The following SLC23A2 variants were observed in gnomAD, a reference collection of about 807,000 sequenced individuals.
SLC23A2 encodes solute carrier family 23 member 2.
SLC23A2 carries 36 observed loss-of-function variants against 73.3 expected under a neutral mutation model. The ratio of observed to expected loss-of-function variants is 0.49; its 90% CI spans 0.38 to 0.65. The LOEUF (loss-of-function observed/expected upper bound fraction) is 0.65. SLC23A2 is among the 30% of genes least tolerant of loss of function. The pLI is 0.00. For synonymous variants in SLC23A2, 343 were observed against 327.3 expected (o/e 1.05, Z -0.52); for missense variants, 507 against 841.6 (o/e 0.60, Z 4.92).
At chr20:4,923,342 T>A (rs934921573) in intron 3 of SLC23A2, among the ~76,000 whole-genome samples, 2 of 152,152 alleles carry the variant, frequency 1.3e-5, no homozygotes, top group African/African-American at 2.4e-5. Context: ...CCCATCGTTT[T>A]GATGTTTTCA....
chr20:4,917,025 G>T (rs1449254228), intron 3 of SLC23A2, among the ~76,000 whole-genome samples: 1 of 152,166 alleles, frequency 6.6e-6, no homozygotes, highest in Non-Finnish European at 1.5e-5. Context: ...TAGAAAAAAA[G>T]CTCACATATT....
chr20:4,892,312 C>T (rs1330190833), intron 6 of SLC23A2, among the ~76,000 whole-genome samples: 2 of 152,076 alleles, frequency 1.3e-5, no homozygotes, highest in African/African-American at 2.4e-5. Context: ...CTCAGCCTCC[C>T]GAGTACCTGG....
At chr20:4,971,859 C>T (rs965864537) in intron 1 of SLC23A2, among the ~76,000 whole-genome samples, 1 of 152,004 alleles carries the variant, frequency 6.6e-6, no homozygotes, top group Non-Finnish European at 1.5e-5. Context: ...CTCCATATTC[C>T]CTAGCACAGG....
chr20:4,975,756 C>A (rs2087635091), intron 1 of SLC23A2, among the ~76,000 whole-genome samples: 1 of 151,518 alleles, frequency 6.6e-6, no homozygotes, highest in Non-Finnish European at 1.5e-5. Flanking sequence ...TTTCTTTGAT[C>A]CATGTGTCTA....
intron 2 of SLC23A2, 141 bp from the exon 3 acceptor site, chr20:4,932,857 T>A: frequency 3.9e-6 from 1 of 255,744 alleles, no homozygotes; most frequent in Non-Finnish European, 7.4e-6. Flanking sequence ...CTAATTACAG[T>A]TTTCAGGCAC....
At chr20:4,991,080 G>A (rs921601009) in intron 1 of SLC23A2, among the ~76,000 whole-genome samples, 17 of 151,894 alleles carry the variant, frequency 1.1e-4, no homozygotes, top group African/African-American at 3.9e-4. Flanking sequence ...GGAGGTGTGA[G>A]GGGAGATAAT....
At chr20:4,934,677 C>G (rs547065206) in intron 2 of SLC23A2, among the ~76,000 whole-genome samples, 1 of 151,802 alleles carries the variant, frequency 6.6e-6, no homozygotes, top group East Asian at 1.9e-4. Flanking sequence ...GCCTGGCCAG[C>G]ACGGTGAAAC....
chr20:4,912,835 G>T (rs752525639), intron 4 of SLC23A2, 45 bp downstream of exon 4: 18 of 1,211,322 alleles, frequency 1.5e-5, no homozygotes, highest in Non-Finnish European at 2.1e-5. Flanking sequence ...ACTTGTGGGA[G>T]GGGATGGCGG....
At chr20:4,979,755 TG>T (rs1165474606) in intron 1 of SLC23A2, among the ~76,000 whole-genome samples, 3 of 152,082 alleles carry the variant, frequency 2.0e-5, no homozygotes, top group African/African-American at 7.2e-5. Context: ...TTAAGAAAAA[TG>T]TTTCCTATGA....
chr20:4,896,409 C>T (rs965845836), intron 6 of SLC23A2, among the ~76,000 whole-genome samples: 1 of 152,116 alleles, frequency 6.6e-6, no homozygotes, highest in African/African-American at 2.4e-5. Flanking sequence ...GCACTGCAGG[C>T]TCAGATTCAC....
chr20:4,956,502 A>T (rs552927829), intron 2 of SLC23A2, among the ~76,000 whole-genome samples: 2 of 152,352 alleles, frequency 1.3e-5, no homozygotes, highest in East Asian at 3.9e-4. Flanking sequence ...AGTAGACAAA[A>T]TGAAAACACA....
chr20:4,971,396 A>C (rs538413755), intron 1 of SLC23A2, among the ~76,000 whole-genome samples: 3 of 152,056 alleles, frequency 2.0e-5, no homozygotes, highest in Non-Finnish European at 4.4e-5. Context: ...TGAGAGGTGG[A>C]GAATCACCTG....
chr20:5,003,407 A>AAAC (rs372379838), upstream of SLC23A2, among the ~76,000 whole-genome samples: 1 of 152,092 alleles, frequency 6.6e-6, no homozygotes, highest in East Asian at 1.9e-4. Flanking sequence ...AACAAAACAA[A>AAAC]AACAACAACA....
chr20:4,915,157 C>T (rs1715362), intron 3 of SLC23A2, among the ~76,000 whole-genome samples: 13,927 of 152,040 alleles, frequency 0.092, 780 homozygotes, highest in African/African-American at 0.15. Context: ...GTAATGACCC[C>T]ACCACTTGTC....
rs541232506 is a variant in SLC23A2, at chr20:4,991,500, G to T, written c.-282+9906C>A. The stretch of plus-strand genomic sequence containing the variant: ...GCACTTTGGGAGGCCGAGGCAGGTG[G>T]ATCACAAGGTCAGCAGTTCAAGACC... On this transcript the variant is annotated intron_variant, in intron 1 of 16. Transcript: ENST00000338244. Among the ~76,000 whole-genome samples the T allele has an allele frequency of 1.3e-4, 20 of 151,914 alleles. No individual in the cohort carries two copies. The South Asian group carries it at 4.0e-3, about 30-fold the overall frequency.
chr20:5,009,207 A>G (rs1048762146), intron 1 of SLC23A2, among the ~76,000 whole-genome samples: 19 of 151,886 alleles, frequency 1.3e-4, no homozygotes, highest in African/African-American at 4.1e-4. Flanking sequence ...CTCTGACTGT[A>G]TTTTTTTCTT....
rs2088064764 is a variant in SLC23A2 at position 4,998,738 on chromosome 20, T to A, written c.-282+2668A>T. ...AAAGCCTAAGAGGATTAAATATAAATACGTTTTTAAAAAGCTTCAATTTAC... is the reference window on the plus strand; with the variant it reads ...AAAGCCTAAGAGGATTAAATATAAAAACGTTTTTAAAAAGCTTCAATTTAC... On this transcript the variant is annotated intron_variant, in intron 1 of 16. Transcript: ENST00000338244. This position sits in a 1 kb window ranked among gnomAD's most constrained non-coding sequence, Gnocchi z 4.1. Among the ~76,000 whole-genome samples, 1 of 151,870 alleles carries A rather than the reference T, an allele frequency of 6.6e-6. No individual in the cohort carries two copies. The highest frequency in any genetic ancestry group is 2.4e-5 in the African/African-American group (1 of 41,348).
At chr20:4,891,462 C>T (rs917106655) in intron 6 of SLC23A2, among the ~76,000 whole-genome samples, 47 of 152,244 alleles carry the variant, frequency 3.1e-4, no homozygotes, top group African/African-American at 1.1e-3. Flanking sequence ...AAGAGGGTCT[C>T]CGGCCTCAGG....
chr20:4,948,548 A>G (rs2087151876), intron 2 of SLC23A2, among the ~76,000 whole-genome samples: 1 of 152,232 alleles, frequency 6.6e-6, no homozygotes. Flanking sequence ...CTAAGGGCTG[A>G]AGAGTGGGTT....
Sources: allele counts gnomAD v4.1 joint callset (sites outside exome capture counted in the v4.1 genomes callset), GRCh38; gene constraint gnomAD v4.1.1; non-coding constraint Gnocchi (gnomAD v3.1); transcripts MANE v1.5; gene names NCBI Gene and HGNC (gene_info 2026-07-23, HGNC 2026-07-21).